The following SHFL variants were observed in gnomAD, a reference collection of about 807,000 sequenced individuals.
SHFL encodes the protein shiftless antiviral inhibitor of ribosomal frameshifting protein.
In SHFL, 12 loss-of-function variants were observed where a neutral mutation model predicts 34.7. That is an observed-to-expected ratio of 0.35 (90% CI 0.22 to 0.56). The LOEUF (loss-of-function observed/expected upper bound fraction) is 0.56. SHFL is among the 20% of genes least tolerant of loss of function. SHFL has a pLI of 0.88. For synonymous variants in SHFL, 148 were observed against 156.0 expected (o/e 0.95, Z 0.38); for missense variants, 278 against 411.1 (o/e 0.68, Z 2.80).
At position 10,093,169 on chromosome 19, in the gene SHFL, G is replaced by C. The variant is rs1599281125; in HGVS notation, c.*867G>C. ...TTTGCCTCATCAGAGAAGGAATCTG[G>C]ACTCCCCATCCCCCCACCAGGATAA... On this transcript the variant is annotated 3_prime_UTR_variant, in exon 8 of 8. Transcript: ENST00000253110. The C allele has an allele frequency of 1.2e-6, 1 of 813,564 alleles. No homozygotes were observed. The highest frequency in any genetic ancestry group is 2.5e-5 in the East Asian group (1 of 40,082). 50.4% of individuals were successfully genotyped at this position (813,564 alleles called of 1,614,324 possible). A position where few individuals can be genotyped will look rare whatever the true frequency, so the allele number is the denominator to read the frequency against.
In SHFL at chr19:10,092,697, G is replaced by A. The variant is rs149485604; in HGVS notation, c.*395G>A. On this transcript the variant is annotated 3_prime_UTR_variant, in exon 8 of 8. Coordinates refer to ENST00000253110, the MANE Select transcript of SHFL (RefSeq NM_018381.4). Reference sequence around the variant, plus strand: ...CCTGGTAGCGGCTTCGGTAGTGGCCGCCGTGGTGCCACACACCGTTGAGGT... The same window carrying A: ...CCTGGTAGCGGCTTCGGTAGTGGCCACCGTGGTGCCACACACCGTTGAGGT... 2.2e-5 allele frequency: 36 copies of A among 1,613,850 alleles called. No homozygotes were observed. In the African/African-American group the frequency reaches 2.4e-4, roughly 11 times the overall value.
In SHFL at chr19:10,091,970, T is replaced by G; in HGVS notation, c.644-100T>G. ...TTGTGCTGGTCCCCGTATCTGGTGG[T>G]CTCAGCTCCTCCCTAGAGCCCCGCG... On this transcript the variant is annotated intron_variant, in intron 7 of 7. Coordinates refer to ENST00000253110, the MANE Select transcript of SHFL (RefSeq NM_018381.4). This position sits in a 1 kb window ranked among gnomAD's most constrained non-coding sequence, Gnocchi z 8.2. The G allele has an allele frequency of 7.0e-7, 1 of 1,426,424 alleles. No individual in the cohort carries two copies. Among genetic ancestry groups the G allele is most frequent in the Non-Finnish European group, 9.6e-7 (1 of 1,042,878 alleles). The allele number at this position is 1,426,424 out of a possible 1,614,324, so 88.4% of individuals were successfully genotyped here.
At chr19:10,090,253 C>T in intron 5 of SHFL, 1 of 602,716 alleles carries the variant, frequency 1.7e-6, no homozygotes, top group Non-Finnish European at 2.9e-6. Flanking sequence ...AAGCCCAATA[C>T]CTCCTTACCC....
At position 10,091,361 on chromosome 19, in the gene SHFL, C is replaced by T. The variant is rs777326449; in HGVS notation, c.488+8C>T. On this transcript the variant is annotated splice_region_variant and intron_variant, in intron 6 of 7. Transcript: ENST00000253110. The surrounding 1 kb of genome is among the most constrained non-coding windows in gnomAD (Gnocchi z 8.2). ...GTGTCGGCACAACTTCCGGTGAGGG[C>T]GCTGACCCCCAGCTCCCCCTCAGCC... 7 of 1,610,090 alleles carry T rather than the reference C, an allele frequency of 4.3e-6. No individual in the cohort carries two copies. The highest frequency in any genetic ancestry group is 4.5e-5 in the East Asian group (2 of 44,876).
At chr19:10,090,106 A>G (rs2088355863) in intron 5 of SHFL, 59 bp downstream of exon 5, 2 of 1,536,652 alleles carry the variant, frequency 1.3e-6, no homozygotes, top group South Asian at 1.2e-5. Context: ...CCTGACTCCT[A>G]TCCTCAGTGA....
Position 10,086,954 on chromosome 19 carries a change from G to A in SHFL, c.47G>A (p.Arg16Gln), listed in dbSNP as rs762281881. Residue 16 changes from arginine (R) to glutamine (Q), a missense_variant, in exon 2 of 8, where the codon CGG becomes CAG. Coordinates refer to ENST00000253110, the MANE Select transcript of SHFL (RefSeq NM_018381.4). The surrounding 1 kb of genome is among the most constrained non-coding windows in gnomAD (Gnocchi z 5.2). Reference sequence around the variant, plus strand: ...CTGGAGAAGAGCGTCCGGCGCCTCCGGGAGAAGTTTCATGGGAAGGTATCC... The same window carrying A: ...CTGGAGAAGAGCGTCCGGCGCCTCCAGGAGAAGTTTCATGGGAAGGTATCC... ...VELEKSVRRL[R>Q]EKFHGKVSSK... The A allele has an allele frequency of 6.2e-7, 1 of 1,613,730 alleles. No individual in the cohort carries two copies. The highest frequency in any genetic ancestry group is 1.1e-5 in the South Asian group (1 of 91,056).
At chr19:10,090,851 T>G (rs888165305) in intron 5 of SHFL, among the ~76,000 whole-genome samples, 2 of 151,152 alleles carry the variant, frequency 1.3e-5, no homozygotes, top group Admixed American at 6.6e-5. Context: ...GAGGCTGCAG[T>G]AAGCCATGAT....
Position 10,092,389 on chromosome 19 carries a change from G to A in SHFL, c.*87G>A, listed in dbSNP as rs1438929740. ...TATGAGCTCAAACCGAGATATGAAT[G>A]ACCTTGGGGAGCCATCTGAGGCCAA... On this transcript the variant is annotated 3_prime_UTR_variant, in exon 8 of 8. Transcript: ENST00000253110. 1 of 1,521,452 alleles carries A rather than the reference G, an allele frequency of 6.6e-7. No individual in the cohort carries two copies. The highest frequency in any genetic ancestry group is 8.8e-7 in the Non-Finnish European group (1 of 1,138,502). 94.2% of individuals were successfully genotyped at this position (1,521,452 alleles called of 1,614,324 possible).
In SHFL at chr19:10,091,277, C is replaced by T. The variant is rs370905686; in HGVS notation, c.412C>T (p.Arg138Cys). ...EVSRCRKCRK[R>C]YEPVPADKMW... ...ATCCCGGTGCCGGAAATGCCGGAAG[C>T]GCTACGAGCCAGTGCCAGCTGACAA... The change falls in exon 6 of 8, where the codon CGC (arginine) becomes TGC (cysteine). Residue 138 changes from arginine (R) to cysteine (C), a missense_variant. Physicochemically the swap from Arg to Cys is radical, Grantham distance 180. Transcript: ENST00000253110. The surrounding 1 kb of genome is among the most constrained non-coding windows in gnomAD (Gnocchi z 8.2). The T allele has an allele frequency of 2.7e-5, 43 of 1,613,720 alleles. No homozygotes were observed. Among genetic ancestry groups the T allele is most frequent in the African/African-American group, 5.3e-5 (4 of 74,924 alleles).
Position 10,091,433 on chromosome 19 carries a change from C to A in SHFL, c.489-43C>A. On this transcript the variant is annotated intron_variant, in intron 6 of 7. Transcript: ENST00000253110. This position sits in a 1 kb window ranked among gnomAD's most constrained non-coding sequence, Gnocchi z 8.2. ...CCTCCCTGCCCTGGCCCCACCCTGGCCCAGCCTCGCCCTCGGACCCTCACA... is the reference window on the plus strand; with the variant it reads ...CCTCCCTGCCCTGGCCCCACCCTGGACCAGCCTCGCCCTCGGACCCTCACA... 6.9e-7 allele frequency: 1 copy of A among 1,448,156 alleles called. No homozygotes were observed. The allele number at this position is 1,448,156 out of a possible 1,614,324, so 89.7% of individuals were successfully genotyped here.
Position 10,086,671 on chromosome 19 carries a change from G to A in SHFL, c.21+223G>A. The A allele has an allele frequency of 1.7e-6, 1 of 598,256 alleles. No homozygotes were observed. The allele number at this position is 598,256 out of a possible 1,614,324, so 37.1% of individuals were successfully genotyped here. A position where few individuals can be genotyped will look rare whatever the true frequency, so the allele number is the denominator to read the frequency against. On this transcript the variant is annotated intron_variant, in intron 1 of 7. Transcript: ENST00000253110. This position sits in a 1 kb window ranked among gnomAD's most constrained non-coding sequence, Gnocchi z 5.2. Reference sequence around the variant, plus strand: ...GAAAAGCGGGGGCTGCAGGGTCAAAGGTCAGAGGCCAGAGATAACCTGGCC... The same window carrying A: ...GAAAAGCGGGGGCTGCAGGGTCAAAAGTCAGAGGCCAGAGATAACCTGGCC...
intron 3 of SHFL, chr19:10,089,397 C>A: frequency 6.3e-7 from 1 of 1,598,362 alleles, no homozygotes; most frequent in Non-Finnish European, 8.5e-7. Context: ...GGGGGTCAGG[C>A]TAGCCTCACT....
At chr19:10,092,022 T>A in intron 7 of SHFL, 48 bp from the exon 8 acceptor site, 1 of 1,611,040 alleles carries the variant, frequency 6.2e-7, no homozygotes, top group Non-Finnish European at 8.5e-7. Context: ...CTCCCCAGAC[T>A]CTCATGGGAC....
At chr19:10,089,366 T>C in intron 3 of SHFL, 2 of 1,598,620 alleles carry the variant, frequency 1.3e-6, no homozygotes, top group Non-Finnish European at 1.7e-6. Context: ...CATGTGGCAT[T>C]TGCAGGCAGG....
Position 10,092,931 on chromosome 19 carries a change from G to A in SHFL, c.*629G>A. ...TTCCATCTCCTCAGCAAAAAAATAG[G>A]AGCCCTGGCCCCCCAACTTTCTTCA... is the stretch of plus-strand genomic sequence containing the variant. On this transcript the variant is annotated 3_prime_UTR_variant, in exon 8 of 8. Transcript: ENST00000253110. 4.9e-6 allele frequency: 3 copies of A among 608,224 alleles called. No homozygotes were observed. The highest frequency in any genetic ancestry group is 7.9e-6 in the Non-Finnish European group (3 of 378,582). 37.7% of individuals were successfully genotyped at this position (608,224 alleles called of 1,614,324 possible).
rs1391483244 is a variant in SHFL at position 10,086,941 on chromosome 19, G to C, written c.34G>C (p.Val12Leu). ...GTCTCCATCCCAGCTGGAGAAGAGC[G>C]TCCGGCGCCTCCGGGAGAAGTTTCA... is the stretch of plus-strand genomic sequence containing the variant. ...SQEGVELEKS[V>L]RRLREKFHGK... The change falls in exon 2 of 8, where the codon GTC (valine) becomes CTC (leucine). Residue 12 changes from valine (V) to leucine (L), a missense_variant. Coordinates refer to ENST00000253110, the MANE Select transcript of SHFL (RefSeq NM_018381.4). This position sits in a 1 kb window ranked among gnomAD's most constrained non-coding sequence, Gnocchi z 5.2. 2 of 1,613,822 alleles carry C rather than the reference G, an allele frequency of 1.2e-6. No individual in the cohort carries two copies. The highest frequency in any genetic ancestry group is 3.3e-5 in the Admixed American group (2 of 60,016).
At chr19:10,089,251 C>A (rs1486633811) in intron 3 of SHFL, 2 of 1,544,730 alleles carry the variant, frequency 1.3e-6, no homozygotes, top group Non-Finnish European at 1.8e-6. Flanking sequence ...TGCCCAAGTC[C>A]CCACAGCTGG....
rs1032064817 is a variant in SHFL, at chr19:10,088,524, G to A, written c.196-1133G>A. Among the ~76,000 whole-genome samples the A allele has an allele frequency of 6.1e-5, 9 of 146,776 alleles. No homozygotes were observed. In the South Asian group the frequency reaches 1.5e-3, roughly 25 times the overall value. On this transcript the variant is annotated intron_variant, in intron 3 of 7. Transcript: ENST00000253110. ...GCGGAGCTTGCAGTGAGCCGAGATC[G>A]CACCACTGCACTCCAGCCTGGGCAA...
In SHFL at chr19:10,086,389, G is replaced by A. The variant is rs769523931; in HGVS notation, c.-39G>A. On this transcript the variant is annotated 5_prime_UTR_variant, in exon 1 of 8. Coordinates refer to ENST00000253110, the MANE Select transcript of SHFL (RefSeq NM_018381.4). This position sits in a 1 kb window ranked among gnomAD's most constrained non-coding sequence, Gnocchi z 5.2. ...CCAGGTAGGGGGGCGGCTGAGCCGC[G>A]CAGTGCGGACCCTCGCGGGGAACTG... The A allele has an allele frequency of 2.0e-5, 26 of 1,293,564 alleles. No homozygotes were observed. The highest frequency in any genetic ancestry group is 5.9e-5 in the East Asian group (2 of 34,038). 80.1% of individuals were successfully genotyped at this position (1,293,564 alleles called of 1,614,324 possible).
Sources: gnomAD v4.1 joint callset for allele counts (sites outside exome capture counted in the v4.1 genomes callset) on GRCh38, gnomAD v4.1.1 for gene constraint, Gnocchi (gnomAD v3.1) non-coding constraint, MANE v1.5 for transcripts, NCBI Gene and HGNC (gene_info 2026-07-23, HGNC 2026-07-21) for gene names.